JAKMIP3: variants seen among roughly 807,000 people sequenced by gnomAD.
The protein encoded by JAKMIP3 is Janus kinase and microtubule interacting protein 3, also known as janus kinase and microtubule-interacting protein 3.
A neutral mutation model predicts 118.5 loss-of-function variants in JAKMIP3; 58 were observed. The observed-to-expected ratio is 0.49, with a 90% CI of 0.40 to 0.61. The LOEUF is 0.61. JAKMIP3 is among the 20% of genes least tolerant of loss of function. JAKMIP3 has a pLI of 0.00. For synonymous variants in JAKMIP3, 486 were observed against 451.2 expected (o/e 1.08, Z -0.98); for missense variants, 950 against 1,109.0 (o/e 0.86, Z 2.04).
intron 19 of JAKMIP3, among the ~76,000 whole-genome samples, chr10:132,155,801 T>TTC (rs2057020929): frequency 6.6e-6 from 1 of 152,192 alleles, no homozygotes; most frequent in Admixed American, 6.5e-5. Flanking sequence ...TTGCCAGCTG[T>TTC]TCTTCCTGGG....
chr10:132,080,800 G>A (rs1252219279), intron 1 of JAKMIP3, among the ~76,000 whole-genome samples: 13 of 151,888 alleles, frequency 8.6e-5, no homozygotes, highest in Admixed American at 2.6e-4. Flanking sequence ...GATTACAGGC[G>A]AGAGCCACCA....
intron 23 of JAKMIP3, 62 bp from the exon 24 acceptor site, chr10:132,182,295 G>C (rs553837986): frequency 2.6e-4 from 39 of 152,394 alleles, no homozygotes; most frequent in African/African-American, 9.4e-4. Context: ...GCTGACCTGT[G>C]GTGGGTCACA....
intron 1 of JAKMIP3, among the ~76,000 whole-genome samples, chr10:132,084,130 T>C (rs2042105026): frequency 6.6e-6 from 1 of 152,188 alleles, no homozygotes; most frequent in African/African-American, 2.4e-5. Context: ...TTTGGCAGTA[T>C]GGGCATGTTT....
At chr10:132,106,577 C>G (rs1201201957) in intron 2 of JAKMIP3, among the ~76,000 whole-genome samples, 1 of 152,134 alleles carries the variant, frequency 6.6e-6, no homozygotes, top group East Asian at 1.9e-4. Context: ...TTCTCGGATA[C>G]CAGAAGGCCG....
chr10:132,098,118 C>T (rs2044281905), intron 1 of JAKMIP3, among the ~76,000 whole-genome samples: 1 of 151,432 alleles, frequency 6.6e-6, no homozygotes, highest in Admixed American at 6.6e-5. Context: ...TCACTGTGGC[C>T]TTGACCTCCC....
intron 10 of JAKMIP3, 54 bp from the exon 11 acceptor site, chr10:132,141,866 T>G (rs1589929607): frequency 1.3e-6 from 2 of 1,554,888 alleles, no homozygotes; most frequent in Non-Finnish European, 1.7e-6. Context: ...TCGGAGGAGG[T>G]GCTGGCTACT....
chr10:132,107,822 G>A (rs530345165), intron 2 of JAKMIP3, among the ~76,000 whole-genome samples: 24 of 152,366 alleles, frequency 1.6e-4, no homozygotes, highest in African/African-American at 5.8e-4. Flanking sequence ...CTGCAGCCCT[G>A]TACCTGGGTC....
At position 132,120,265 on chromosome 10, in the gene JAKMIP3, C is replaced by T. The variant is rs574000223; in HGVS notation, c.633+2691C>T. 2.5e-3 allele frequency among the ~76,000 whole-genome samples: 376 copies of T among 152,346 alleles called. 3 individuals are homozygous for T. The highest frequency in any genetic ancestry group is 8.5e-3 in the African/African-American group (352 of 41,582). ...AGACCAGTGTTGCCCGTGAGAGCCCCTGCCCCACCACCAACATCCAGGAAC... is the reference window on the plus strand; with the variant it reads ...AGACCAGTGTTGCCCGTGAGAGCCCTTGCCCCACCACCAACATCCAGGAAC... On this transcript the variant is annotated intron_variant, in intron 3 of 23. Transcript: ENST00000684848.
intron 19 of JAKMIP3, among the ~76,000 whole-genome samples, chr10:132,161,575 GTA>G (rs1472248383): frequency 2.1e-4 from 6 of 28,962 alleles, no homozygotes; most frequent in African/African-American, 8.5e-4. Flanking sequence ...ATGCTGGGGG[GTA>G]TCTCTCCCTG....
At chr10:132,109,505 C>T (rs1343311008) in intron 2 of JAKMIP3, among the ~76,000 whole-genome samples, 1 of 152,130 alleles carries the variant, frequency 6.6e-6, no homozygotes, top group Non-Finnish European at 1.5e-5. Flanking sequence ...TGTGGGTCCC[C>T]CTGCGCCCGG....
At chr10:132,120,173 C>T (rs2048319513) in intron 3 of JAKMIP3, among the ~76,000 whole-genome samples, 1 of 152,254 alleles carries the variant, frequency 6.6e-6, no homozygotes, top group Admixed American at 6.5e-5. Context: ...TCTTTTCCTA[C>T]AGAATCCATA....
chr10:132,089,996 T>C (rs1010675885), intron 1 of JAKMIP3, among the ~76,000 whole-genome samples: 3 of 152,244 alleles, frequency 2.0e-5, no homozygotes, highest in Admixed American at 1.3e-4. Flanking sequence ...GTTCTGTTTA[T>C]ATGCTGGATT....
intron 16 of JAKMIP3, among the ~76,000 whole-genome samples, chr10:132,150,949 CATCT>C (rs368646901): frequency 1.1e-4 from 16 of 152,104 alleles, no homozygotes; most frequent in African/African-American, 1.7e-4. Context: ...ATCCATCCTC[CATCT>C]ATCTATCATC....
intron 1 of JAKMIP3, among the ~76,000 whole-genome samples, chr10:132,038,809 AAC>A (rs1491587891): frequency 7.6e-5 from 11 of 144,920 alleles, no homozygotes; most frequent in South Asian, 4.5e-4. Flanking sequence ...AAAAAAAAAA[AAC>A]CATCATAAAC....
chr10:132,163,754 C>A (rs146141186), intron 20 of JAKMIP3, among the ~76,000 whole-genome samples: 17 of 152,372 alleles, frequency 1.1e-4, no homozygotes, highest in African/African-American at 4.1e-4. Flanking sequence ...CCCTACCAGC[C>A]TAGTGTCCTG....
intron 19 of JAKMIP3, among the ~76,000 whole-genome samples, chr10:132,154,845 CGGTGGTGGTGGTGATGGTGGTGATAGT>C (rs2056819913): frequency 9.5e-6 from 1 of 104,960 alleles, no homozygotes; most frequent in Non-Finnish European, 2.0e-5. Context: ...ATGGTGGTGG[CGGTGGTGGTGGTGATGGTGGTGATAGT>C]GGTGGTGATG....
At chr10:132,180,558 C>T (rs201125541) in intron 23 of JAKMIP3, among the ~76,000 whole-genome samples, 1,103 of 24,966 alleles carry the variant, frequency 0.044, 395 homozygotes, top group African/African-American at 0.32. Flanking sequence ...TGCGTGCATG[C>T]GTGTGTGTGC....
chr10:132,055,685 G>A (rs1334900525), intron 1 of JAKMIP3, among the ~76,000 whole-genome samples: 4 of 152,260 alleles, frequency 2.6e-5, no homozygotes, highest in African/African-American at 7.2e-5. Context: ...TTTTTATCCC[G>A]ACATCTTAAC....
chr10:132,044,451 G>A lies in JAKMIP3; in HGVS notation c.-138+7713G>A, dbSNP rs1419655769. On this transcript the variant is annotated intron_variant, in intron 1 of 23. Coordinates refer to the JAKMIP3 transcript ENST00000657785. The surrounding 1 kb of genome is among the most constrained non-coding windows in gnomAD (Gnocchi z 5.3). ...GTGACGGGAGCTCACCAGTCTAGTA[G>A]GGAAGGTCAGGGAAGGCTGCTTGGG... Among the ~76,000 whole-genome samples, 1 of 152,158 alleles carries A rather than the reference G, an allele frequency of 6.6e-6. No individual in the cohort carries two copies. Among genetic ancestry groups the A allele is most frequent in the African/African-American group, 2.4e-5 (1 of 41,458 alleles).
Sources: gnomAD v4.1 joint callset for allele counts (sites outside exome capture counted in the v4.1 genomes callset) on GRCh38, gnomAD v4.1.1 for gene constraint, Gnocchi (gnomAD v3.1) non-coding constraint, MANE v1.5 for transcripts, NCBI Gene and HGNC (gene_info 2026-07-23, HGNC 2026-07-21) for gene names.